Variants in PRDM16 observed in about 807,000 individuals in gnomAD.
PRDM16 encodes the protein histone-lysine N-methyltransferase PRDM16.
Under a neutral mutation model 110.6 loss-of-function variants are expected in PRDM16, and 23 were observed. That is an observed-to-expected ratio of 0.21 (90% CI 0.15 to 0.29). The LOEUF (loss-of-function observed/expected upper bound fraction) is 0.29, where lower values mean the gene tolerates loss of function less well. Ranked by LOEUF, PRDM16 falls within the 10% of genes least tolerant of loss-of-function variation. The pLI is 1.00. For synonymous variants in PRDM16, 799 were observed against 781.8 expected, an observed-to-expected ratio of 1.02 and a Z score of -0.37; for missense variants, 1,615 against 1,794.3, an observed-to-expected ratio of 0.90 and a Z score of 1.81.
intron 1 of PRDM16, among the ~76,000 whole-genome samples, chr1:3,155,641 G>C (rs1026784321): frequency 6.6e-6 from 1 of 152,238 alleles, no homozygotes; most frequent in Non-Finnish European, 1.5e-5. Flanking sequence ...CGCCTTCCCC[G>C]CTCCTGAAAA....
At chr1:3,289,970 AC>A (rs1640936180) in intron 3 of PRDM16, among the ~76,000 whole-genome samples, 1 of 147,458 alleles carries the variant, frequency 6.8e-6, no homozygotes, top group South Asian at 2.2e-4. Context: ...GGGCACCGAG[AC>A]CCCACTCCCA....
intron 2 of PRDM16, among the ~76,000 whole-genome samples, chr1:3,226,270 G>A (rs1639286954): frequency 6.6e-6 from 1 of 152,238 alleles, no homozygotes; most frequent in South Asian, 2.1e-4. Context: ...GCATCTGAGA[G>A]GAACACCGAG....
chr1:3,234,260 G>T (rs1639488382), intron 2 of PRDM16, among the ~76,000 whole-genome samples: 1 of 152,158 alleles, frequency 6.6e-6, no homozygotes, highest in Non-Finnish European at 1.5e-5. Flanking sequence ...ACCAACAGAG[G>T]GGCTTCCCGA....
intron 1 of PRDM16, among the ~76,000 whole-genome samples, chr1:3,185,584 C>G (rs1644258120): frequency 6.6e-6 from 1 of 152,238 alleles, no homozygotes; most frequent in Non-Finnish European, 1.5e-5. Flanking sequence ...GGAAGCAGCA[C>G]TGAGCACATT....
intron 1 of PRDM16, among the ~76,000 whole-genome samples, chr1:3,116,633 A>G (rs1642967811): frequency 6.6e-6 from 1 of 152,132 alleles, no homozygotes; most frequent in African/African-American, 2.4e-5. Flanking sequence ...TCCGGCTCTG[A>G]TGGCAGACAC....
chr1:3,297,369 C>T (rs1174184431), intron 3 of PRDM16, among the ~76,000 whole-genome samples: 3 of 151,556 alleles, frequency 2.0e-5, no homozygotes, highest in Admixed American at 1.3e-4. Context: ...CTGCAACCTC[C>T]ACCTCCTGGG....
chr1:3,104,562 G>T (rs1027482284), intron 1 of PRDM16, among the ~76,000 whole-genome samples: 1 of 114,558 alleles, frequency 8.7e-6, no homozygotes, highest in African/African-American at 3.9e-5. Context: ...CAGCCCTCAA[G>T]AAGCCCTCAG....
In PRDM16 at chr1:3,089,372, A is replaced by G. The variant is rs563482792; in HGVS notation, c.37+20076A>G. 3.9e-5 allele frequency among the ~76,000 whole-genome samples: 6 copies of G among 152,310 alleles called. No homozygotes were observed. The East Asian group carries it at 1.2e-3, about 29-fold the overall frequency. On this transcript the variant is annotated intron_variant, in intron 1 of 16. Coordinates refer to ENST00000270722, the MANE Select transcript of PRDM16 (RefSeq NM_022114.4). ...CACCGGGGCTGTGACCCCATGCAAC[A>G]CAGCACCATAGCTGCCTCCACCTGG...
At position 3,079,404 on chromosome 1, in the gene PRDM16, C is replaced by CTTCCGGG. The variant is rs5772093; in HGVS notation, c.37+10109_37+10110insTCCGGGT. Among the ~76,000 whole-genome samples the CTTCCGGG allele has an allele frequency of 7.9e-5, 12 of 151,606 alleles. No homozygotes were observed. In the South Asian group the frequency reaches 2.5e-3, roughly 31 times the overall value. On this transcript the variant is annotated intron_variant, in intron 1 of 16. Transcript: ENST00000270722. ...CAGCCCCTGTGTGTGCACAGGGATC[C>CTTCCGGG]TGCGGTTGCAGGGCTGTCAGGGGGA...
At chr1:3,305,087 G>T (rs1442511605) in intron 3 of PRDM16, among the ~76,000 whole-genome samples, 1 of 152,200 alleles carries the variant, frequency 6.6e-6, no homozygotes, top group African/African-American at 2.4e-5. Context: ...CAGCCGGAAA[G>T]CCTGTGTAGT....
chr1:3,215,629 C>T (rs576647251), intron 2 of PRDM16, among the ~76,000 whole-genome samples: 1 of 152,306 alleles, frequency 6.6e-6, no homozygotes, highest in South Asian at 2.1e-4. Flanking sequence ...GGGGACCTGT[C>T]GAGTCAGTGC....
At chr1:3,071,928 T>G (rs1641772494) in intron 1 of PRDM16, among the ~76,000 whole-genome samples, 1 of 152,228 alleles carries the variant, frequency 6.6e-6, no homozygotes, top group South Asian at 2.1e-4. Context: ...TCAGGTGGGT[T>G]AGTCCTCTGG....
At chr1:3,267,413 C>T (rs1455601767) in intron 3 of PRDM16, among the ~76,000 whole-genome samples, 1 of 152,176 alleles carries the variant, frequency 6.6e-6, no homozygotes, top group Admixed American at 6.5e-5. Context: ...ATCCACTCGT[C>T]CCTGACCGGA....
intron 3 of PRDM16, among the ~76,000 whole-genome samples, chr1:3,320,908 C>A (rs947151810): frequency 1.3e-4 from 20 of 152,196 alleles, no homozygotes; most frequent in African/African-American, 4.8e-4. Flanking sequence ...AGGGAGGGGG[C>A]TGGCACGCCC....
intron 2 of PRDM16, among the ~76,000 whole-genome samples, chr1:3,195,413 T>C (rs1279891460): frequency 6.6e-6 from 1 of 152,192 alleles, no homozygotes; most frequent in Non-Finnish European, 1.5e-5. Context: ...GGCTCTCCTT[T>C]ACTTCCTTAA....
chr1:3,301,624 A>G (rs1641210584), intron 3 of PRDM16, among the ~76,000 whole-genome samples: 1 of 152,188 alleles, frequency 6.6e-6, no homozygotes, highest in Non-Finnish European at 1.5e-5. Context: ...GACTGTGTCC[A>G]GGGCTCGAAA....
At chr1:3,212,817 C>G (rs1638930291) in intron 2 of PRDM16, among the ~76,000 whole-genome samples, 1 of 152,226 alleles carries the variant, frequency 6.6e-6, no homozygotes, top group Non-Finnish European at 1.5e-5. Context: ...CTCCCTGACC[C>G]CAGCTCTGCC....
At chr1:3,291,752 G>A (rs1368042802) in intron 3 of PRDM16, among the ~76,000 whole-genome samples, 2 of 152,274 alleles carry the variant, frequency 1.3e-5, no homozygotes, top group Non-Finnish European at 2.9e-5. Flanking sequence ...CCAGCACTGG[G>A]GGAGACGGGG....
At chr1:3,386,294 G>A (rs529298617) in intron 4 of PRDM16, among the ~76,000 whole-genome samples, 6 of 152,126 alleles carry the variant, frequency 3.9e-5, no homozygotes, top group South Asian at 2.1e-4. Context: ...ACCACGTCAC[G>A]GAACATTCCC....
Sources: gnomAD v4.1 joint callset for allele counts (sites outside exome capture counted in the v4.1 genomes callset) on GRCh38, gnomAD v4.1.1 for gene constraint, MANE v1.5 for transcripts, NCBI Gene and HGNC (gene_info 2026-07-23, HGNC 2026-07-21) for gene names.